KMT2E: variants seen among roughly 807,000 people sequenced by gnomAD.
The protein encoded by KMT2E is histone reader KMT2E.
KMT2E carries 30 observed loss-of-function variants against 184.6 expected under a neutral mutation model. The observed-to-expected ratio is 0.16, with a 90% CI of 0.12 to 0.22. The LOEUF (loss-of-function observed/expected upper bound fraction) is 0.22. KMT2E is among the 10% of genes least tolerant of loss of function. The pLI is 1.00. For synonymous variants in KMT2E, 815 were observed against 776.5 expected, an observed-to-expected ratio of 1.05 and a Z score of -0.82; for missense variants, 2,023 against 2,237.4, an observed-to-expected ratio of 0.90 and a Z score of 1.93.
At chr7:105,106,407 G>C (rs1446434305) in intron 19 of KMT2E, 115 bp from the exon 20 acceptor site, 3 of 977,634 alleles carry the variant, frequency 3.1e-6, no homozygotes, top group Non-Finnish European at 4.6e-6. Context: ...TTCAGTTTTG[G>C]GGTAAAAGTC....
intron 15 of KMT2E, among the ~76,000 whole-genome samples, chr7:105,099,162 G>T (rs1317552151): frequency 6.6e-6 from 1 of 152,144 alleles, no homozygotes; most frequent in African/African-American, 2.4e-5. Flanking sequence ...AAATATTTGT[G>T]TATTTTAAGA....
intron 3 of KMT2E, among the ~76,000 whole-genome samples, chr7:105,046,070 G>T (rs1026429745): frequency 1.3e-5 from 2 of 151,610 alleles, no homozygotes; most frequent in Non-Finnish European, 2.9e-5. Context: ...TTCTCTCGTG[G>T]GCTCTACTCA....
chr7:105,049,285 A>C (rs1433261957), intron 3 of KMT2E, among the ~76,000 whole-genome samples: 1 of 151,978 alleles, frequency 6.6e-6, no homozygotes, highest in Non-Finnish European at 1.5e-5. Context: ...TCTGTACAAA[A>C]AAAATACCAT....
At position 105,107,601 on chromosome 7, in the gene KMT2E, G is replaced by A; in HGVS notation, c.3144G>A (p.Glu1048=). 1 of 1,614,142 alleles carries A rather than the reference G, an allele frequency of 6.2e-7. No individual in the cohort carries two copies. The highest frequency in any genetic ancestry group is 8.5e-7 in the Non-Finnish European group (1 of 1,180,012). ...AAACGCCTGCACATGACAGGGCTGAGCCCAACAGCCAACTGGACTCGACTC... is the reference window on the plus strand; with the variant it reads ...AAACGCCTGCACATGACAGGGCTGAACCCAACAGCCAACTGGACTCGACTC... The part of the protein sequence containing the change: ...TLETPAHDRA[E]PNSQLDSTHS... Residue 1048 remains glutamate, a synonymous_variant, in exon 22 of 27, where the codon GAG becomes GAA. Coordinates refer to ENST00000311117, the MANE Select transcript of KMT2E (RefSeq NM_182931.3).
intron 5 of KMT2E, chr7:105,064,032 C>G (rs1796926067): frequency 8.8e-6 from 4 of 455,196 alleles, no homozygotes; most frequent in South Asian, 4.7e-5. Context: ...TTGCAGCACT[C>G]TGGAGTCTCC....
intron 13 of KMT2E, among the ~76,000 whole-genome samples, chr7:105,084,795 A>G (rs747540063): frequency 2.6e-5 from 4 of 152,196 alleles, no homozygotes; most frequent in Non-Finnish European, 5.9e-5. Flanking sequence ...AGGCACCACA[A>G]TAGCAACAGG....
At chr7:105,051,428 G>A (rs144028620) in intron 3 of KMT2E, among the ~76,000 whole-genome samples, 33 of 151,022 alleles carry the variant, frequency 2.2e-4, no homozygotes, top group African/African-American at 7.5e-4. Context: ...CAGGTGATAC[G>A]CCCGCCTCGG....
At chr7:105,043,532 G>A (rs1030996084) in intron 3 of KMT2E, among the ~76,000 whole-genome samples, 6 of 152,098 alleles carry the variant, frequency 3.9e-5, no homozygotes, top group East Asian at 1.9e-4. Context: ...CACCGCGCCC[G>A]GCCACTTACT....
intron 17 of KMT2E, chr7:105,104,885 T>C (rs1196099396): frequency 6.6e-6 from 1 of 152,196 alleles, no homozygotes; most frequent in African/African-American, 2.4e-5. Context: ...ATTAAAAAGC[T>C]TGGCTGGGCA....
Position 105,040,828 on chromosome 7 carries a change from C to A in KMT2E, c.-114-11C>A. On this transcript the variant is annotated splice_polypyrimidine_tract_variant and intron_variant, in intron 2 of 26. Transcript: ENST00000311117. ...GACTGTTGCTTTTTTGTCTCCTTTT[C>A]TTTTAAACAGGGTTTGTGGATGCAC... 1 of 540,116 alleles carries A rather than the reference C, an allele frequency of 1.9e-6. No individual in the cohort carries two copies. The highest frequency in any genetic ancestry group is 3.8e-5 in the South Asian group (1 of 26,526). 33.5% of individuals were successfully genotyped at this position (540,116 alleles called of 1,614,324 possible).
intron 6 of KMT2E, among the ~76,000 whole-genome samples, chr7:105,070,534 T>C (rs1385267540): frequency 6.8e-6 from 1 of 147,780 alleles, no homozygotes; most frequent in East Asian, 2.0e-4. Context: ...CTCAGGAGGC[T>C]GAGGCATGAG....
At position 105,112,786 on chromosome 7, in the gene KMT2E, T is replaced by TACCCCA; in HGVS notation, c.5035_5036insAACCCC (p.Pro1678_Pro1679insGlnPro). 6.2e-7 allele frequency: 1 copy of TACCCCA among 1,605,428 alleles called. No homozygotes were observed. The highest frequency in any genetic ancestry group is 1.1e-5 in the South Asian group (1 of 90,628). On this transcript the variant is annotated inframe_insertion, in exon 27 of 27. Transcript: ENST00000311117. ...CATTCTCAAACTGCTGGACACCACT[T>TACCCCA]ACCCCCACCCCCACCCCCTCCTGGT...
intron 6 of KMT2E, among the ~76,000 whole-genome samples, chr7:105,068,235 G>A (rs1190446748): frequency 6.6e-6 from 1 of 151,824 alleles, no homozygotes; most frequent in Non-Finnish European, 1.5e-5. Flanking sequence ...ATGTCTATAG[G>A]CTTGATCAGA....
intron 1 of KMT2E, among the ~76,000 whole-genome samples, chr7:105,018,439 C>T (rs763380661): frequency 3.3e-5 from 5 of 152,102 alleles, no homozygotes; most frequent in Non-Finnish European, 2.9e-5. Flanking sequence ...TTAATTATTT[C>T]TTGGATGTGA....
chr7:105,026,390 C>CT (rs1795180103), intron 1 of KMT2E, among the ~76,000 whole-genome samples: 2 of 152,096 alleles, frequency 1.3e-5, no homozygotes, highest in African/African-American at 4.8e-5. Context: ...GATTTAAATT[C>CT]TTTTTTAGGG....
chr7:105,024,633 T>C (rs186763659), intron 1 of KMT2E, among the ~76,000 whole-genome samples: 2 of 152,330 alleles, frequency 1.3e-5, no homozygotes, highest in Admixed American at 1.3e-4. Flanking sequence ...CTCATTTTTA[T>C]ATTCCAGTTC....
At chr7:105,034,854 T>TGG (rs1481738406) in intron 1 of KMT2E, among the ~76,000 whole-genome samples, 2 of 14,706 alleles carry the variant, frequency 1.4e-4, no homozygotes, top group Admixed American at 8.4e-4. Context: ...GGCTTTTTTT[T>TGG]GGGGGGTGGG....
chr7:105,022,087 C>T (rs1259678597), intron 1 of KMT2E, among the ~76,000 whole-genome samples: 1 of 152,100 alleles, frequency 6.6e-6, no homozygotes, highest in African/African-American at 2.4e-5. Context: ...CCTTACAGCC[C>T]TTATTACTGA....
At chr7:105,081,425 T>TATTATC (rs1203880689) in intron 12 of KMT2E, among the ~76,000 whole-genome samples, 1 of 148,720 alleles carries the variant, frequency 6.7e-6, no homozygotes, top group East Asian at 2.0e-4. Flanking sequence ...ATAGTATTTT[T>TATTATC]ATTATTATTA....
Sources: gnomAD v4.1 joint callset for allele counts (sites outside exome capture counted in the v4.1 genomes callset) on GRCh38, gnomAD v4.1.1 for gene constraint, MANE v1.5 for transcripts, NCBI Gene and HGNC (gene_info 2026-07-23, HGNC 2026-07-21) for gene names.